SEMA6D: variants seen among roughly 807,000 people sequenced by gnomAD.
SEMA6D encodes semaphorin-6D.
A neutral mutation model predicts 106.6 loss-of-function variants in SEMA6D; 35 were observed. The ratio of observed to expected loss-of-function variants is 0.33; its 90% CI spans 0.25 to 0.44. The LOEUF is 0.44. Among genes scored for constraint, SEMA6D ranks in the 20% least tolerant of loss-of-function variants. SEMA6D has a pLI of 1.00. For synonymous variants in SEMA6D, 499 were observed against 487.7 expected (o/e 1.02, Z -0.31); for missense variants, 1,185 against 1,345.9 (o/e 0.88, Z 1.87).
At chr15:47,724,066 T>C (rs1306344528) in intron 1 of SEMA6D, among the ~76,000 whole-genome samples, 1 of 152,236 alleles carries the variant, frequency 6.6e-6, no homozygotes, top group African/African-American at 2.4e-5. Flanking sequence ...TACGCCTCAC[T>C]TGTTAGTATA....
chr15:47,579,847 T>C (rs1271630908), intron 3 of SEMA6D, among the ~76,000 whole-genome samples: 3 of 152,088 alleles, frequency 2.0e-5, no homozygotes, highest in Admixed American at 2.0e-4. Flanking sequence ...AAGTAAAGAA[T>C]CATCACAAAA....
chr15:47,293,191 G>C (rs1019270641), intron 1 of SEMA6D, among the ~76,000 whole-genome samples: 1 of 152,136 alleles, frequency 6.6e-6, no homozygotes. Flanking sequence ...GTTCTTCCTT[G>C]CATGAAGCTC....
At position 47,506,599 on chromosome 15, in the gene SEMA6D, A is replaced by ACACACACACAC. The variant is rs1555382656; in HGVS notation, c.-87+36054_-87+36055insCACACACACAC. Among the ~76,000 whole-genome samples, 345 of 137,880 alleles carry ACACACACACAC rather than the reference A, an allele frequency of 2.5e-3. 3 individuals carry two copies. Among genetic ancestry groups the ACACACACACAC allele is most frequent in the East Asian group, 7.9e-3 (38 of 4,790 alleles). 90.5% of individuals were successfully genotyped at this position (137,880 alleles called of 152,430 possible). ...CTACATGGGCATTTACACACACACA[A>ACACACACACAC]ACACACACACACACACACACACACA... is the stretch of plus-strand genomic sequence containing the variant. On this transcript the variant is annotated intron_variant, in intron 3 of 19. Coordinates refer to the SEMA6D transcript ENST00000558014.
At chr15:47,407,917 C>T (rs2040650281) in intron 1 of SEMA6D, among the ~76,000 whole-genome samples, 1 of 152,062 alleles carries the variant, frequency 6.6e-6, no homozygotes, top group Non-Finnish European at 1.5e-5. Context: ...CTTTCTGCAC[C>T]TTGGTGGTGG....
chr15:47,415,455 G>A (rs953744524), intron 2 of SEMA6D, among the ~76,000 whole-genome samples: 1 of 152,022 alleles, frequency 6.6e-6, no homozygotes, highest in South Asian at 2.1e-4. Flanking sequence ...ATTCTTTTCA[G>A]ATGCAGACTT....
chr15:47,365,889 A>G (rs1198516547), intron 1 of SEMA6D, among the ~76,000 whole-genome samples: 1 of 59,368 alleles, frequency 1.7e-5, no homozygotes, highest in East Asian at 3.2e-4. Context: ...AGAGAGAGAG[A>G]GGAGAGAGAG....
intron 1 of SEMA6D, among the ~76,000 whole-genome samples, chr15:47,294,284 T>C (rs994722539): frequency 8.6e-5 from 13 of 151,996 alleles, no homozygotes; most frequent in African/African-American, 3.1e-4. Context: ...AGTGCAGTGG[T>C]GCAATCTCAG....
At chr15:47,469,341 C>CGTGTGT (rs113272376) in intron 2 of SEMA6D, among the ~76,000 whole-genome samples, 17 of 147,112 alleles carry the variant, frequency 1.2e-4, no homozygotes, top group African/African-American at 3.0e-4. Flanking sequence ...CACGCATGTG[C>CGTGTGT]GTGTGTGTGT....
intron 1 of SEMA6D, among the ~76,000 whole-genome samples, chr15:47,407,424 A>C (rs1433784368): frequency 6.6e-6 from 1 of 151,148 alleles, no homozygotes; most frequent in Non-Finnish European, 1.5e-5. Context: ...AAAACAAAAA[A>C]AACAAACAAA....
At position 47,214,104 on chromosome 15, in the gene SEMA6D, A is replaced by G. The variant is rs73397068; in HGVS notation, c.-239+29686A>G. On this transcript the variant is annotated intron_variant, in intron 1 of 19. Coordinates refer to the SEMA6D transcript ENST00000558014. The stretch of plus-strand genomic sequence containing the variant: ...GAAAACTGTTAAAAGCACCATGAGC[A>G]ATAAGATGTCAAGCAATACATTATA... Among the ~76,000 whole-genome samples the G allele has an allele frequency of 3.7e-3, 560 of 152,306 alleles. 3 individuals carry two copies. Among genetic ancestry groups the G allele is most frequent in the African/African-American group, 0.013 (531 of 41,562 alleles).
Position 47,340,261 on chromosome 15 carries a change from G to C in SEMA6D, c.-238-72132G>C, listed in dbSNP as rs542134215. ...TTGGAGATGTTGTCTGGAAATTGAG[G>C]AGAATGGAGAGTGAGCCATGTAAAC... On this transcript the variant is annotated intron_variant, in intron 1 of 19. Transcript: ENST00000558014. Among the ~76,000 whole-genome samples, 4 of 152,176 alleles carry C rather than the reference G, an allele frequency of 2.6e-5. No individual in the cohort carries two copies. The East Asian group carries it at 7.8e-4, about 29-fold the overall frequency.
rs1183025078 is a variant in SEMA6D at position 47,770,669 on chromosome 15, G to A, written c.2106G>A (p.Glu702=). 4.3e-6 allele frequency: 7 copies of A among 1,613,976 alleles called. No individual in the cohort carries two copies. In the African/African-American group the frequency reaches 8.0e-5, roughly 18 times the overall value. The change falls in exon 19 of 19, where the codon GAG becomes GAA. Residue 702 remains glutamate, a synonymous_variant. Coordinates refer to ENST00000536845, the MANE Select transcript of SEMA6D (RefSeq NM_001358351.3). The part of the protein sequence containing the change: ...RKNRKIHKDA[E]SAQSCTDSSG... ...ACAGAAAGATCCATAAAGATGCAGA[G>A]TCCGCCCAGTCATGCACAGACTCCA...
intron 2 of SEMA6D, among the ~76,000 whole-genome samples, chr15:47,448,598 T>G (rs1354378317): frequency 1.3e-5 from 2 of 152,154 alleles, no homozygotes; most frequent in African/African-American, 4.8e-5. Context: ...AAGCAGGGCC[T>G]CCTTGTTGTG....
intron 2 of SEMA6D, among the ~76,000 whole-genome samples, chr15:47,413,713 C>T (rs2040872152): frequency 6.6e-6 from 1 of 152,066 alleles, no homozygotes; most frequent in African/African-American, 2.4e-5. Context: ...GAACTCCTGG[C>T]CTCAAGTGAT....
chr15:47,527,694 A>T (rs536270704), intron 3 of SEMA6D: 94 of 152,360 alleles, frequency 6.2e-4, no homozygotes, highest in African/African-American at 2.2e-3. Flanking sequence ...AAGGAAACTA[A>T]ATTTATATTC....
chr15:47,453,250 A>T (rs893023186), intron 2 of SEMA6D, among the ~76,000 whole-genome samples: 1 of 151,882 alleles, frequency 6.6e-6, no homozygotes, highest in African/African-American at 2.4e-5. Context: ...AAATTTAATT[A>T]ATTTATTTTA....
chr15:47,479,827 A>G (rs2043102167), intron 3 of SEMA6D, among the ~76,000 whole-genome samples: 1 of 149,060 alleles, frequency 6.7e-6, no homozygotes, highest in Non-Finnish European at 1.5e-5. Context: ...TTAATTCCAT[A>G]CTGCACCATT....
chr15:47,390,533 C>A, intron 1 of SEMA6D, among the ~76,000 whole-genome samples: 1 of 151,722 alleles, frequency 6.6e-6, no homozygotes. Flanking sequence ...CTTTCCACCC[C>A]CATTTGAATT....
chr15:47,467,174 T>TC (rs2042688940), intron 2 of SEMA6D, among the ~76,000 whole-genome samples: 1 of 152,162 alleles, frequency 6.6e-6, no homozygotes, highest in Non-Finnish European at 1.5e-5. Flanking sequence ...CATGAAGACC[T>TC]GGAAAACTGT....
Sources: gnomAD v4.1 joint callset for allele counts (sites outside exome capture counted in the v4.1 genomes callset) on GRCh38, gnomAD v4.1.1 for gene constraint, MANE v1.5 for transcripts, NCBI Gene and HGNC (gene_info 2026-07-23, HGNC 2026-07-21) for gene names.